The following CNOT9 variants were observed in gnomAD, a reference collection of about 807,000 sequenced individuals.
CNOT9 encodes the protein CCR4-NOT transcription complex subunit 9.
CNOT9 carries 8 observed loss-of-function variants against 37.4 expected under a neutral mutation model. The ratio of observed to expected loss-of-function variants is 0.21; its 90% CI spans 0.13 to 0.39. The LOEUF is 0.39. Among genes scored for constraint, CNOT9 ranks in the 10% least tolerant of loss-of-function variants. The pLI, the probability that CNOT9 is intolerant of heterozygous loss-of-function variation, is 1.00. For synonymous variants in CNOT9, 120 were observed against 137.6 expected, an observed-to-expected ratio of 0.87 and a Z score of 0.90; for missense variants, 154 against 365.3, an observed-to-expected ratio of 0.42 and a Z score of 4.71.
chr2:218,569,215 G>C (rs990918378), intron 1 of CNOT9, among the ~76,000 whole-genome samples: 15 of 152,170 alleles, frequency 9.9e-5, no homozygotes, highest in Non-Finnish European at 1.6e-4. Context: ...CGGGCGCCGG[G>C]GCCTGGTCCC....
chr2:218,591,747 A>AC (rs1424218027), intron 5 of CNOT9, among the ~76,000 whole-genome samples: 2 of 152,180 alleles, frequency 1.3e-5, no homozygotes, highest in East Asian at 3.9e-4. Context: ...CATCTAAAAA[A>AC]AAAAAAAGAA....
At chr2:218,572,867 T>G (rs1006386394) in intron 1 of CNOT9, among the ~76,000 whole-genome samples, 1 of 152,218 alleles carries the variant, frequency 6.6e-6, no homozygotes, top group Non-Finnish European at 1.5e-5. Flanking sequence ...GAAGCTGTCA[T>G]GGACTGCCAG....
Position 218,594,451 on chromosome 2 carries a change from G to T in CNOT9, c.*175G>T, listed in dbSNP as rs1018380880. On this transcript the variant is annotated 3_prime_UTR_variant, in exon 8 of 8. Coordinates refer to ENST00000273064, the MANE Select transcript of CNOT9 (RefSeq NM_005444.3). ...GGTGTATGGGCTGCCATCTCAGGCT[G>T]TCTTGAGGACCTGGGCTCCCTCTGC... The T allele has an allele frequency of 1.4e-6, 1 of 700,646 alleles. No homozygotes were observed. The highest frequency in any genetic ancestry group is 2.8e-5 in the East Asian group (1 of 35,580). 43.4% of individuals were successfully genotyped at this position (700,646 alleles called of 1,614,324 possible).
chr2:218,578,567 C>T (rs1001815733), intron 1 of CNOT9, among the ~76,000 whole-genome samples: 2 of 152,150 alleles, frequency 1.3e-5, no homozygotes, highest in Admixed American at 6.6e-5. Context: ...GAATATGCAA[C>T]TTCATACCTT....
Position 218,585,751 on chromosome 2 carries a change from C to T in CNOT9, c.430+1030C>T, listed in dbSNP as rs183717287. On this transcript the variant is annotated intron_variant, in intron 4 of 7. Coordinates refer to ENST00000273064, the MANE Select transcript of CNOT9 (RefSeq NM_005444.3). Reference sequence around the variant, plus strand: ...ACTCCTGGGATCACACAAATCCACCCACCTCAGCCTTGAGAAGCTGGAACC... The same window carrying T: ...ACTCCTGGGATCACACAAATCCACCTACCTCAGCCTTGAGAAGCTGGAACC... 4.6e-5 allele frequency among the ~76,000 whole-genome samples: 7 copies of T among 151,776 alleles called. No individual in the cohort carries two copies. In the East Asian group the frequency reaches 1.4e-3, roughly 29 times the overall value.
Position 218,594,361 on chromosome 2 carries a change from G to A in CNOT9, c.*85G>A, listed in dbSNP as rs1160465784. The A allele has an allele frequency of 1.3e-5, 19 of 1,415,160 alleles. No individual in the cohort carries two copies. The highest frequency in any genetic ancestry group is 5.0e-5 in the East Asian group (2 of 40,286). 87.7% of individuals were successfully genotyped at this position (1,415,160 alleles called of 1,614,324 possible). The stretch of plus-strand genomic sequence containing the variant: ...GAAAAACAGCTCAGGTTTTATCACC[G>A]ACTGGGAATAGACAACCTCAATGCT... On this transcript the variant is annotated 3_prime_UTR_variant, in exon 8 of 8. Coordinates refer to ENST00000273064, the MANE Select transcript of CNOT9 (RefSeq NM_005444.3).
intron 1 of CNOT9, among the ~76,000 whole-genome samples, chr2:218,579,797 C>CATTTATTT (rs202121171): frequency 3.3e-5 from 5 of 150,514 alleles, no homozygotes; most frequent in South Asian, 2.1e-4. Context: ...CAGTTTTCTG[C>CATTTATTT]ATTTATTTAT....
At chr2:218,582,762 T>C (rs1250393079) in intron 2 of CNOT9, among the ~76,000 whole-genome samples, 2 of 151,200 alleles carry the variant, frequency 1.3e-5, no homozygotes, top group African/African-American at 4.9e-5. Flanking sequence ...TAGAGACAAA[T>C]GTAGAAATGT....
At position 218,588,588 on chromosome 2, in the gene CNOT9, C is replaced by CTTTTTTTTTTTTTTTTTTTTTTT. The variant is rs1172484260; in HGVS notation, c.540+897_540+919dup. ...ACAGTCATGAGCCACTCCACCCGGCCTTTTTTTTTTTTTTTTTTTTTTTTT... is the reference window on the plus strand; with the variant it reads ...ACAGTCATGAGCCACTCCACCCGGCCTTTTTTTTTTTTTTTTTTTTTTTTTTTTTTTTTTTTTTTTTTTTTTTT... On this transcript the variant is annotated intron_variant, in intron 5 of 7. Coordinates refer to ENST00000273064, the MANE Select transcript of CNOT9 (RefSeq NM_005444.3). 1.2e-4 allele frequency among the ~76,000 whole-genome samples: 4 copies of CTTTTTTTTTTTTTTTTTTTTTTT among 33,452 alleles called. 1 individual carries two copies. The highest frequency in any genetic ancestry group is 0.1 in the Middle Eastern group (2 of 20). The allele number at this position is 33,452 out of a possible 152,430, so 21.9% of individuals were successfully genotyped here. A position where few individuals can be genotyped will look rare whatever the true frequency, so the allele number is the denominator to read the frequency against.
At chr2:218,572,322 TA>T (rs1052986066) in intron 1 of CNOT9, among the ~76,000 whole-genome samples, 1 of 151,076 alleles carries the variant, frequency 6.6e-6, no homozygotes, top group Non-Finnish European at 1.5e-5. Context: ...ACTCCATCTT[TA>T]AAAAAAAATG....
At position 218,568,857 on chromosome 2, in the gene CNOT9, G is replaced by A; in HGVS notation, c.-98G>A. ...GCGGAGCGAGCCGGAGTCGGATGGC[G>A]GCTACGGCGGCTCATTGTTTTCCGC... On this transcript the variant is annotated 5_prime_UTR_variant, in exon 1 of 8. Coordinates refer to ENST00000273064, the MANE Select transcript of CNOT9 (RefSeq NM_005444.3). The A allele has an allele frequency of 1.4e-6, 2 of 1,394,802 alleles. No individual in the cohort carries two copies. Among genetic ancestry groups the A allele is most frequent in the Admixed American group, 2.1e-5 (1 of 47,998 alleles). 86.4% of individuals were successfully genotyped at this position (1,394,802 alleles called of 1,614,324 possible). A position where few individuals can be genotyped will look rare whatever the true frequency, so the allele number is the denominator to read the frequency against.
At chr2:218,576,829 A>G (rs975531011) in intron 1 of CNOT9, among the ~76,000 whole-genome samples, 2 of 152,082 alleles carry the variant, frequency 1.3e-5, no homozygotes, top group South Asian at 2.1e-4. Context: ...TTAGCTGGGC[A>G]TGTGGCATAT....
In CNOT9 at chr2:218,568,952, A is replaced by C; in HGVS notation, c.-3A>C. 1 of 1,609,708 alleles carries C rather than the reference A, an allele frequency of 6.2e-7. No homozygotes were observed. Among genetic ancestry groups the C allele is most frequent in the Non-Finnish European group, 8.5e-7 (1 of 1,178,252 alleles). On this transcript the variant is annotated 5_prime_UTR_variant, in exon 1 of 8. Transcript: ENST00000273064. ...GTGGAAGAGAGCGGCGGCCGCTCAC[A>C]ACATGCACAGCCTGGCGACGGCTGC...
intron 1 of CNOT9, among the ~76,000 whole-genome samples, chr2:218,577,617 T>G (rs1694216342): frequency 6.6e-6 from 1 of 152,212 alleles, no homozygotes; most frequent in Non-Finnish European, 1.5e-5. Context: ...CCATCTTCTC[T>G]GTGGGCATCA....
chr2:218,587,350 C>T (rs1168956152), intron 4 of CNOT9: 6 of 670,422 alleles, frequency 8.9e-6, no homozygotes, highest in East Asian at 1.5e-4. Context: ...CTTGAACTCC[C>T]GACCTCAAGT....
In CNOT9 at chr2:218,592,107, C is replaced by A. The variant is rs1430616031; in HGVS notation, c.541-197C>A. ...CATGTAAAGCCTCTAGAAAAAAAAA[C>A]TGGTACAAAGTAATGTTCAACATGG... On this transcript the variant is annotated intron_variant, in intron 5 of 7. Transcript: ENST00000273064. The surrounding 1 kb of genome is among the most constrained non-coding windows in gnomAD (Gnocchi z 4.1). 6.6e-6 allele frequency among the ~76,000 whole-genome samples: 1 copy of A among 151,974 alleles called. No homozygotes were observed. The highest frequency in any genetic ancestry group is 1.5e-5 in the Non-Finnish European group (1 of 67,986).
intron 1 of CNOT9, among the ~76,000 whole-genome samples, chr2:218,580,077 T>C (rs1044812574): frequency 2.6e-5 from 4 of 151,084 alleles, no homozygotes; most frequent in African/African-American, 9.7e-5. Context: ...CAAGCAATTC[T>C]CCTGTCTCAG....
intron 1 of CNOT9, chr2:218,572,625 T>C: frequency 1.1e-6 from 1 of 936,550 alleles, no homozygotes. Flanking sequence ...AGTGAGACCC[T>C]GTCTCAAAGG....
At chr2:218,587,501 C>G in intron 4 of CNOT9, 85 bp from the exon 5 acceptor site, 1 of 1,362,466 alleles carries the variant, frequency 7.3e-7, no homozygotes, top group Non-Finnish European at 9.5e-7. Flanking sequence ...TTTAAGTTCA[C>G]AACTCACTGG....
Sources: allele counts gnomAD v4.1 joint callset (sites outside exome capture counted in the v4.1 genomes callset), GRCh38; gene constraint gnomAD v4.1.1; non-coding constraint Gnocchi (gnomAD v3.1); transcripts MANE v1.5; gene names NCBI Gene and HGNC (gene_info 2026-07-23, HGNC 2026-07-21).